The following PLEKHA7 variants were observed in gnomAD, a reference collection of about 807,000 sequenced individuals.
The protein encoded by PLEKHA7 is pleckstrin homology domain-containing family A member 7.
In PLEKHA7, 104 loss-of-function variants were observed where a neutral mutation model predicts 170.0. That is an observed-to-expected ratio of 0.61 (90% confidence interval 0.52 to 0.72). The LOEUF is 0.72. Among genes scored for constraint, PLEKHA7 ranks in the 30% least tolerant of loss-of-function variants. PLEKHA7 has a pLI of 0.00. For synonymous variants in PLEKHA7, 648 were observed against 660.8 expected (o/e 0.98, Z 0.30); for missense variants, 1,615 against 1,671.7 (o/e 0.97, Z 0.59).
At chr11:16,846,208 C>A (rs1209301696) in intron 8 of PLEKHA7, among the ~76,000 whole-genome samples, 1 of 152,068 alleles carries the variant, frequency 6.6e-6, no homozygotes, top group Non-Finnish European at 1.5e-5. Flanking sequence ...TCTCTTGAAC[C>A]TGGGAGGCAG....
rs1344156376 is a variant in PLEKHA7, at chr11:16,817,466, G to C, written c.1344-144C>G. 2.6e-6 allele frequency: 2 copies of C among 777,500 alleles called. No homozygotes were observed. The highest frequency in any genetic ancestry group is 3.8e-6 in the Non-Finnish European group (2 of 523,428). The allele number at this position is 777,500 out of a possible 1,614,324, so 48.2% of individuals were successfully genotyped here. A position where few individuals can be genotyped will look rare whatever the true frequency, so the allele number is the denominator to read the frequency against. On this transcript the variant is annotated intron_variant, in intron 10 of 26. Coordinates refer to ENST00000531066, the MANE Select transcript of PLEKHA7 (RefSeq NM_001329630.2). The surrounding 1 kb of genome is among the most constrained non-coding windows in gnomAD (Gnocchi z 4.4). ...AAAGAATGATCAAGGCCGACATCCA[G>C]GACTTCAGTCACTTCCCCTTTTGGC...
Position 16,789,020 on chromosome 11 carries a change from G to A in PLEKHA7, c.3357+76C>T. 6.6e-7 allele frequency: 1 copy of A among 1,507,486 alleles called. No homozygotes were observed. The highest frequency in any genetic ancestry group is 8.9e-7 in the Non-Finnish European group (1 of 1,119,750). The allele number at this position is 1,507,486 out of a possible 1,614,324, so 93.4% of individuals were successfully genotyped here. ...CAGCTCTCTCACTGGGAGGTGTGAT[G>A]TGCTTGTGTTTGGGGGACTCTGAGG... On this transcript the variant is annotated intron_variant, in intron 23 of 26. Coordinates refer to ENST00000531066, the MANE Select transcript of PLEKHA7 (RefSeq NM_001329630.2). This position sits in a 1 kb window ranked among gnomAD's most constrained non-coding sequence, Gnocchi z 4.6.
chr11:16,986,395 G>C (rs1443113966), intron 3 of PLEKHA7, among the ~76,000 whole-genome samples: 1 of 152,106 alleles, frequency 6.6e-6, no homozygotes, highest in Admixed American at 6.5e-5. Flanking sequence ...GGGAGGCATC[G>C]AATGAGCCCA....
rs192530190 is a variant in PLEKHA7 at position 16,965,194 on chromosome 11, G to A, written c.221+48795C>T. 7.4e-3 allele frequency among the ~76,000 whole-genome samples: 1,124 copies of A among 152,026 alleles called. 8 individuals are homozygous for A. Among genetic ancestry groups the A allele is most frequent in the Non-Finnish European group, 0.012 (811 of 67,980 alleles). ...AAACATAAGTCAGGTGTGGTAGCGC[G>A]TGCCTATAGTCCCAGCTACTTGGGA... On this transcript the variant is annotated intron_variant, in intron 3 of 26. Transcript: ENST00000531066.
intron 3 of PLEKHA7, among the ~76,000 whole-genome samples, chr11:16,999,840 A>T (rs1051831219): frequency 6.6e-6 from 1 of 152,140 alleles, no homozygotes; most frequent in Non-Finnish European, 1.5e-5. Context: ...GTCCATAAGA[A>T]TCACCTGTGG....
chr11:16,858,783 C>T lies in PLEKHA7; in HGVS notation c.306-2869G>A, dbSNP rs532137398. On this transcript the variant is annotated intron_variant, in intron 4 of 26. Coordinates refer to ENST00000531066, the MANE Select transcript of PLEKHA7 (RefSeq NM_001329630.2). ...CTGGGATTACAAGCATGAGCCACCGCGCCCAACCTAAAAAAAGATTTTTAA... is the reference window on the plus strand; with the variant it reads ...CTGGGATTACAAGCATGAGCCACCGTGCCCAACCTAAAAAAAGATTTTTAA... 4.6e-5 allele frequency among the ~76,000 whole-genome samples: 7 copies of T among 152,200 alleles called. No homozygotes were observed. The South Asian group carries it at 6.2e-4, about 14-fold the overall frequency.
intron 4 of PLEKHA7, among the ~76,000 whole-genome samples, chr11:16,863,788 C>T (rs1373606488): frequency 2.6e-5 from 4 of 152,140 alleles, no homozygotes; most frequent in African/African-American, 9.7e-5. Flanking sequence ...AGGAGGGGCC[C>T]TGCATGTGGC....
At chr11:16,822,504 A>G (rs1418855506) in intron 10 of PLEKHA7, among the ~76,000 whole-genome samples, 14 of 65,126 alleles carry the variant, frequency 2.1e-4, no homozygotes, top group Non-Finnish European at 4.8e-4. Context: ...TGGTAGGGGA[A>G]AAAAAAAAAA....
At chr11:16,888,224 A>C (rs1366015900) in intron 3 of PLEKHA7, among the ~76,000 whole-genome samples, 1 of 150,836 alleles carries the variant, frequency 6.6e-6, no homozygotes, top group Non-Finnish European at 1.5e-5. Context: ...GGAAGACAGG[A>C]GCGCCTCCAC....
intron 4 of PLEKHA7, among the ~76,000 whole-genome samples, chr11:16,864,690 C>G (rs1025764272): frequency 6.6e-6 from 1 of 152,220 alleles, no homozygotes; most frequent in Non-Finnish European, 1.5e-5. Flanking sequence ...CACTCTCTTG[C>G]CTGCAGCCAT....
chr11:16,973,803 C>T (rs12291049), intron 3 of PLEKHA7, among the ~76,000 whole-genome samples: 33,666 of 152,040 alleles, frequency 0.22, 4,586 homozygotes, highest in Non-Finnish European at 0.32. Flanking sequence ...TGTTCCTCCC[C>T]ATCCACTGTG....
Position 16,957,257 on chromosome 11 carries a change from T to C in PLEKHA7, c.221+56732A>G, listed in dbSNP as rs548241434. 4.7e-4 allele frequency among the ~76,000 whole-genome samples: 72 copies of C among 152,324 alleles called. 2 individuals are homozygous for C. The South Asian group carries it at 8.9e-3, about 19-fold the overall frequency. On this transcript the variant is annotated intron_variant, in intron 3 of 26. Coordinates refer to ENST00000531066, the MANE Select transcript of PLEKHA7 (RefSeq NM_001329630.2). Reference sequence around the variant, plus strand: ...CAGATGTTCAACACATTATTACTTATGGCATTAAAAAACTGGAAACAATCT... The same window carrying C: ...CAGATGTTCAACACATTATTACTTACGGCATTAAAAAACTGGAAACAATCT...
rs143667289 is a variant in PLEKHA7, at chr11:16,909,935, T to C, written c.222-38753A>G. Reference sequence around the variant, plus strand: ...GCTGTTGCCAGAGGTAATAACCTAATGGCCAATCTTGCAGAGACAATGACC... The same window carrying C: ...GCTGTTGCCAGAGGTAATAACCTAACGGCCAATCTTGCAGAGACAATGACC... On this transcript the variant is annotated intron_variant, in intron 3 of 26. Coordinates refer to ENST00000531066, the MANE Select transcript of PLEKHA7 (RefSeq NM_001329630.2). Among the ~76,000 whole-genome samples, 118 of 152,252 alleles carry C rather than the reference T, an allele frequency of 7.8e-4. 2 individuals are homozygous for C. The East Asian group carries it at 0.021, about 28-fold the overall frequency.
At chr11:16,940,689 A>G (rs1413926573) in intron 3 of PLEKHA7, among the ~76,000 whole-genome samples, 1 of 152,174 alleles carries the variant, frequency 6.6e-6, no homozygotes, top group Non-Finnish European at 1.5e-5. Flanking sequence ...ATAACCAGTA[A>G]GTGTTCAAAA....
intron 3 of PLEKHA7, among the ~76,000 whole-genome samples, chr11:17,011,248 C>T (rs935581596): frequency 1.3e-5 from 2 of 152,190 alleles, no homozygotes; most frequent in African/African-American, 4.8e-5. Context: ...CCCTGGGTGA[C>T]GCTAGTGAGA....
At chr11:16,956,328 T>C (rs1228009818) in intron 3 of PLEKHA7, among the ~76,000 whole-genome samples, 7 of 152,192 alleles carry the variant, frequency 4.6e-5, no homozygotes, top group Non-Finnish European at 1.5e-5. Context: ...CACATGCACG[T>C]GTTGAATACT....
intron 9 of PLEKHA7, among the ~76,000 whole-genome samples, chr11:16,838,720 A>G: frequency 7.6e-6 from 1 of 130,944 alleles, no homozygotes; most frequent in Non-Finnish European, 1.6e-5. Flanking sequence ...TTTTTGAGAC[A>G]GTCTCGCTCT....
chr11:17,004,289 A>C (rs367648028), intron 3 of PLEKHA7, among the ~76,000 whole-genome samples: 1 of 152,142 alleles, frequency 6.6e-6, no homozygotes. Flanking sequence ...CTATGGCTGA[A>C]ATGTCTGAGA....
chr11:16,794,558 C>T lies in PLEKHA7; in HGVS notation c.2675G>A (p.Arg892Gln), dbSNP rs138612143. 6.1e-5 allele frequency: 99 copies of T among 1,613,592 alleles called. No homozygotes were observed. The highest frequency in any genetic ancestry group is 5.0e-4 in the Middle Eastern group (3 of 6,056). ...TTTCCTCAGCTGGGGTGGGTGAGGT[C>T]GGTACGGCACGTAGGTTTGCAGCTG... ...FPQLQTYVPYRPHPPQLRKVT... is the reference protein window; with the variant it reads ...FPQLQTYVPYQPHPPQLRKVT... Residue 892 changes from arginine (R) to glutamine (Q), a missense_variant, in exon 19 of 27, where the codon CGA (arginine) becomes CAA (glutamine). Transcript: ENST00000531066.
Sources: gnomAD v4.1 joint callset for allele counts (sites outside exome capture counted in the v4.1 genomes callset) on GRCh38, gnomAD v4.1.1 for gene constraint, Gnocchi (gnomAD v3.1) non-coding constraint, MANE v1.5 for transcripts, NCBI Gene and HGNC (gene_info 2026-07-23, HGNC 2026-07-21) for gene names.